Variants in DST observed in about 807,000 individuals in gnomAD.
DST encodes dystonin, also known as bullous pemphigoid antigen.
DST carries 253 observed loss-of-function variants against 875.2 expected under a neutral mutation model. The observed-to-expected ratio is 0.29, with a 90% CI of 0.26 to 0.32. The LOEUF (loss-of-function observed/expected upper bound fraction) is 0.32. Ranked by LOEUF, DST falls within the 10% of genes least tolerant of loss-of-function variation. The pLI is 1.00. For synonymous variants in DST, 3,124 were observed against 3,197.1 expected, an observed-to-expected ratio of 0.98 and a Z score of 0.77; for missense variants, 8,287 against 9,111.6, an observed-to-expected ratio of 0.91 and a Z score of 3.68.
intron 5 of DST, among the ~76,000 whole-genome samples, chr6:56,719,553 T>C (rs1316101530): frequency 6.6e-6 from 1 of 152,272 alleles, no homozygotes; most frequent in Admixed American, 6.5e-5. Context: ...GAACTGTTAT[T>C]TGAAAGTCAC....
At chr6:56,575,250 T>A (rs2097847097) in intron 50 of DST, among the ~76,000 whole-genome samples, 1 of 152,176 alleles carries the variant, frequency 6.6e-6, no homozygotes, top group African/African-American at 2.4e-5. Flanking sequence ...AAACTACCTG[T>A]TGGAGACTAT....
chr6:56,488,077 G>A (rs2095621311), intron 86 of DST, among the ~76,000 whole-genome samples: 1 of 152,026 alleles, frequency 6.6e-6, no homozygotes, highest in Non-Finnish European at 1.5e-5. Context: ...ACTACATCTG[G>A]AAATTTCTAA....
At chr6:56,688,369 G>GA (rs1217783701) in intron 9 of DST, among the ~76,000 whole-genome samples, 24 of 151,950 alleles carry the variant, frequency 1.6e-4, no homozygotes, top group Non-Finnish European at 2.4e-4. Flanking sequence ...GTTGGTGAGA[G>GA]AAAAAAATAA....
At position 56,511,388 on chromosome 6, in the gene DST, A is replaced by G. The variant is rs770777659; in HGVS notation, c.18589T>C (p.Leu6197=). Residue 6197 remains leucine, a synonymous_variant, in exon 73 of 104, where the codon TTG becomes CTG. Coordinates refer to ENST00000680361, the MANE Select transcript of DST (RefSeq NM_001374736.1). ...QQEEHRQLRE[L]IAEHKPHIDK... is the part of the protein sequence containing the mutation. The stretch of plus-strand genomic sequence containing the variant: ...ATATGAGGCTTGTGTTCAGCTATCA[A>G]CTCACGCAGTTGCTATAACAAACCA... The G allele has an allele frequency of 1.7e-5, 27 of 1,603,346 alleles. No homozygotes were observed. Among genetic ancestry groups the G allele is most frequent in the Non-Finnish European group, 1.7e-6 (2 of 1,174,606 alleles).
chr6:56,598,064 GACA>G, intron 46 of DST, 58 bp from the exon 47 acceptor site: 1 of 1,454,248 alleles, frequency 6.9e-7, no homozygotes, highest in Non-Finnish European at 9.1e-7. Context: ...ATAGTTTTAA[GACA>G]TTCCAAAAGT....
intron 39 of DST, among the ~76,000 whole-genome samples, chr6:56,610,190 C>T (rs1379628339): frequency 1.3e-5 from 2 of 152,128 alleles, no homozygotes; most frequent in African/African-American, 4.8e-5. Flanking sequence ...ATGAATGATA[C>T]TTTTCTTTTA....
At chr6:56,646,288 A>C in intron 13 of DST, 106 bp from the exon 14 acceptor site, 2 of 561,914 alleles carry the variant, frequency 3.6e-6, no homozygotes, top group Non-Finnish European at 5.9e-6. Flanking sequence ...ATATGCAGTC[A>C]GTGGAATTCC....
At chr6:56,499,278 T>C (rs1163362038) in intron 80 of DST, among the ~76,000 whole-genome samples, 1 of 152,132 alleles carries the variant, frequency 6.6e-6, no homozygotes, top group African/African-American at 2.4e-5. Context: ...AGTAACCCTC[T>C]GACATCACTG....
intron 3 of DST, among the ~76,000 whole-genome samples, chr6:56,852,950 A>C (rs184386155): frequency 5.3e-5 from 8 of 152,276 alleles, no homozygotes; most frequent in Admixed American, 5.2e-4. Flanking sequence ...AATAAACTCT[A>C]ATTGCATCAG....
At chr6:56,760,777 T>C (rs1366849578) in intron 4 of DST, among the ~76,000 whole-genome samples, 2 of 152,234 alleles carry the variant, frequency 1.3e-5, no homozygotes, top group Admixed American at 6.5e-5. Flanking sequence ...GTACTTTTCA[T>C]GTATTAAAGT....
rs1388125675 is a variant in DST at position 56,632,011 on chromosome 6, A to G, written c.3835T>C (p.Tyr1279His). Reference protein sequence around the residue: ...EEQEESVYNLYISEVRNIRLR... With the variant: ...EEQEESVYNLHISEVRNIRLR... The stretch of plus-strand genomic sequence containing the variant: ...CTAATGTTTCGAACTTCAGAGATGT[A>G]GAGATTATAAACTGATTCCTCTTGC... The change falls in exon 29 of 104, where the codon TAC (tyrosine) becomes CAC (histidine). Residue 1279 changes from tyrosine to histidine, a missense_variant. By Grantham distance (83) the Tyr-to-His change is moderately conservative (BLOSUM62 2). Transcript: ENST00000680361. 6.2e-7 allele frequency: 1 copy of G among 1,613,116 alleles called. No individual in the cohort carries two copies. Among genetic ancestry groups the G allele is most frequent in the East Asian group, 2.2e-5 (1 of 44,848 alleles).
At chr6:56,651,312 G>C in intron 10 of DST, 68 bp from the exon 11 acceptor site, 3 of 947,166 alleles carry the variant, frequency 3.2e-6, no homozygotes, top group Non-Finnish European at 4.7e-6. Flanking sequence ...TAATTATATA[G>C]GTTTCCATTT....
chr6:56,640,846 TACAA>T (rs1280172344), intron 17 of DST, among the ~76,000 whole-genome samples: 2 of 152,048 alleles, frequency 1.3e-5, no homozygotes, highest in African/African-American at 4.8e-5. Context: ...GGCTCAAAAA[TACAA>T]ACAAGCAAAA....
chr6:56,530,436 C>T (rs1243764855), intron 64 of DST, among the ~76,000 whole-genome samples: 1 of 152,116 alleles, frequency 6.6e-6, no homozygotes, highest in Non-Finnish European at 1.5e-5. Flanking sequence ...ATAATAACAG[C>T]AGTAATAGTA....
intron 2 of DST, among the ~76,000 whole-genome samples, chr6:56,903,285 CTT>C (rs987595300): frequency 2.0e-5 from 3 of 152,070 alleles, no homozygotes; most frequent in Admixed American, 6.6e-5. Context: ...TCTAGAAACA[CTT>C]AGGGAGAAAA....
Position 56,535,289 on chromosome 6 carries a change from C to T in DST, c.16774G>A (p.Ala5592Thr). The change falls in exon 63 of 104, where the codon GCT becomes ACT. Residue 5592 changes from alanine to threonine, a missense_variant. This residue lies in a region of DST where 777 missense variants were observed against 764.8 expected (regional missense o/e 1.02). Coordinates refer to ENST00000680361, the MANE Select transcript of DST (RefSeq NM_001374736.1). ...TCCTGCAGCTGGGCTGCTCGCTGAGCCACCTGCAAAGTGCCAATTGTTTCC... is the reference window on the plus strand; with the variant it reads ...TCCTGCAGCTGGGCTGCTCGCTGAGTCACCTGCAAAGTGCCAATTGTTTCC... ...ARWKTLNKKVAQRAAQLQEAL... is the reference protein window; with the variant it reads ...ARWKTLNKKVTQRAAQLQEAL... 8 of 1,567,286 alleles carry T rather than the reference C, an allele frequency of 5.1e-6. No homozygotes were observed. The highest frequency in any genetic ancestry group is 6.9e-6 in the Non-Finnish European group (8 of 1,165,866).
intron 3 of DST, among the ~76,000 whole-genome samples, chr6:56,862,825 A>G (rs1321069436): frequency 6.6e-6 from 1 of 152,170 alleles, no homozygotes; most frequent in Non-Finnish European, 1.5e-5. Flanking sequence ...CTAGGGTAAG[A>G]AGTGAAACTA....
rs115951263 is a variant in DST, at chr6:56,493,979, C to T, written c.20394+31G>A. The T allele has an allele frequency of 1.6e-3, 2,356 of 1,464,696 alleles. 34 individuals carry two copies. The African/African-American group carries it at 0.029, about 18-fold the overall frequency. The allele number at this position is 1,464,696 out of a possible 1,614,324, so 90.7% of individuals were successfully genotyped here. A position where few individuals can be genotyped will look rare whatever the true frequency, so the allele number is the denominator to read the frequency against. On this transcript the variant is annotated intron_variant, in intron 83 of 103. Coordinates refer to ENST00000680361, the MANE Select transcript of DST (RefSeq NM_001374736.1). ...TCCAAGACATGAAACAACTAAAACA[C>T]TGATTCTATTATATTAATCAAAGCA...
intron 3 of DST, among the ~76,000 whole-genome samples, chr6:56,884,262 T>A (rs1420716067): frequency 1.3e-5 from 2 of 152,342 alleles, no homozygotes; most frequent in East Asian, 3.9e-4. Flanking sequence ...TTGTATAGAC[T>A]ATCACTCCCA....
Sources: gnomAD v4.1 joint callset for allele counts (sites outside exome capture counted in the v4.1 genomes callset) on GRCh38, gnomAD v4.1.1 for gene constraint, gnomAD v4.1.1 regional missense constraint, MANE v1.5 for transcripts, NCBI Gene and HGNC (gene_info 2026-07-23, HGNC 2026-07-21) for gene names.